The following WDR12 variants were observed in gnomAD, a reference collection of about 807,000 sequenced individuals.
WDR12 encodes the protein WD repeat domain 12.
Under a neutral mutation model 64.3 loss-of-function variants are expected in WDR12, and 42 were observed. The ratio of observed to expected loss-of-function variants is 0.65; its 90% CI spans 0.51 to 0.84. WDR12 has a LOEUF of 0.84. WDR12 is among the 40% of genes least tolerant of loss of function. The pLI, the probability that WDR12 is intolerant of heterozygous loss-of-function variation, is 0.00. For missense variants in WDR12, 469 were observed against 494.6 expected, an observed-to-expected ratio of 0.95 and a Z score of 0.49; for synonymous variants, 158 against 173.3, an observed-to-expected ratio of 0.91 and a Z score of 0.70.
intron 2 of WDR12, among the ~76,000 whole-genome samples, chr2:202,907,280 A>AT (rs777798980): frequency 9.9e-5 from 15 of 152,174 alleles, no homozygotes; most frequent in Admixed American, 2.6e-4. Flanking sequence ...TTTTACATAC[A>AT]TTGTTCATAT....
rs189842339 is a variant in WDR12 at position 202,911,558 on chromosome 2, C to A, written c.-82G>T. Reference sequence around the variant, plus strand: ...ACGAAGCTCCTGCCTTTTAAGACTACAAAGAGGCAGCTCAAAATTAGACTG... The same window carrying A: ...ACGAAGCTCCTGCCTTTTAAGACTAAAAAGAGGCAGCTCAAAATTAGACTG... On this transcript the variant is annotated 5_prime_UTR_variant, in exon 1 of 13. Transcript: ENST00000261015. 251 of 1,330,634 alleles carry A rather than the reference C, an allele frequency of 1.9e-4. 2 individuals carry two copies. The African/African-American group carries it at 3.1e-3, about 17-fold the overall frequency. 82.4% of individuals were successfully genotyped at this position (1,330,634 alleles called of 1,614,324 possible).
At chr2:202,897,243 G>T in intron 5 of WDR12, 57 bp downstream of exon 5, 2 of 1,235,630 alleles carry the variant, frequency 1.6e-6, no homozygotes, top group South Asian at 1.4e-5. Flanking sequence ...CACCAAAAAT[G>T]GCTTATTTCC....
intron 8 of WDR12, among the ~76,000 whole-genome samples, chr2:202,884,956 C>A (rs867506623): frequency 6.6e-6 from 1 of 152,140 alleles, no homozygotes; most frequent in African/African-American, 2.4e-5. Flanking sequence ...CAGTTTCTCC[C>A]CCCCTCTTTT....
chr2:202,887,067 C>A (rs1175063285), intron 8 of WDR12, among the ~76,000 whole-genome samples: 2 of 152,194 alleles, frequency 1.3e-5, no homozygotes, highest in Non-Finnish European at 2.9e-5. Context: ...ACTCATCGCC[C>A]AGGCTAGAGT....
chr2:202,885,062 A>C (rs764860894), intron 8 of WDR12, among the ~76,000 whole-genome samples: 3 of 152,188 alleles, frequency 2.0e-5, no homozygotes, highest in African/African-American at 4.8e-5. Flanking sequence ...TGGGGGCTCT[A>C]TTCCAGCTCT....
At chr2:202,886,596 C>T (rs1230346870) in intron 8 of WDR12, among the ~76,000 whole-genome samples, 1 of 151,918 alleles carries the variant, frequency 6.6e-6, no homozygotes, top group Non-Finnish European at 1.5e-5. Flanking sequence ...GGAGAAGCCC[C>T]GTCTCTACTA....
intron 2 of WDR12, among the ~76,000 whole-genome samples, chr2:202,901,879 C>A (rs1282550885): frequency 6.6e-6 from 1 of 152,078 alleles, no homozygotes; most frequent in Non-Finnish European, 1.5e-5. Context: ...AGAATATTCA[C>A]AGGCAGTATT....
intron 8 of WDR12, among the ~76,000 whole-genome samples, chr2:202,887,488 G>C: frequency 6.6e-6 from 1 of 152,210 alleles, no homozygotes; most frequent in East Asian, 1.9e-4. Context: ...TTTCCTGAAA[G>C]AAGTAAAGGA....
At chr2:202,894,182 G>C (rs1435702454) in intron 7 of WDR12, among the ~76,000 whole-genome samples, 2 of 150,640 alleles carry the variant, frequency 1.3e-5, no homozygotes, top group African/African-American at 4.9e-5. Context: ...TCTTTTTATG[G>C]CAAAATATGG....
At chr2:202,886,510 C>T (rs1164372375) in intron 8 of WDR12, among the ~76,000 whole-genome samples, 5 of 143,558 alleles carry the variant, frequency 3.5e-5, no homozygotes, top group Admixed American at 6.9e-5. Flanking sequence ...GGCTCACACC[C>T]GTAATCCCAG....
At chr2:202,901,607 CA>C (rs909301070) in intron 2 of WDR12, among the ~76,000 whole-genome samples, 1 of 152,162 alleles carries the variant, frequency 6.6e-6, no homozygotes, top group Non-Finnish European at 1.5e-5. Context: ...AGTGAGCTTT[CA>C]AAAATCAGCA....
In WDR12 at chr2:202,880,870, A is replaced by G; in HGVS notation, c.1262T>C (p.Val421Ala). 6.2e-7 allele frequency: 1 copy of G among 1,610,272 alleles called. No homozygotes were observed. The change falls in exon 13 of 13, where the codon GTT becomes GCT. Residue 421 changes from valine to alanine, a missense_variant. Physicochemically the swap from Val to Ala is moderately conservative, Grantham distance 64. Coordinates refer to ENST00000261015, the MANE Select transcript of WDR12 (RefSeq NM_018256.4). Reference sequence around the variant, plus strand: ...AATTATTGTTCACTTTCATGCCCCAACATGGGAAGTGGTAGGTGAATATCT... The same window carrying G: ...AATTATTGTTCACTTTCATGCCCCAGCATGGGAAGTGGTAGGTGAATATCT... ...SYRYSPTTSH[V>A]GA
In WDR12 at chr2:202,880,882, G is replaced by A; in HGVS notation, c.1250C>T (p.Thr417Ile). The change falls in exon 13 of 13, where the codon ACC (threonine) becomes ATC (isoleucine). Residue 417 changes from threonine (T) to isoleucine (I), a missense_variant. Physicochemically the swap from Thr to Ile is moderately conservative, Grantham distance 89. Coordinates refer to ENST00000261015, the MANE Select transcript of WDR12 (RefSeq NM_018256.4). ...CTTTCATGCCCCAACATGGGAAGTG[G>A]TAGGTGAATATCTGTAGGAATACAA... Reference protein sequence around the residue: ...NKLYSYRYSPTTSHVGA With the variant: ...NKLYSYRYSPITSHVGA 6.2e-7 allele frequency: 1 copy of A among 1,610,156 alleles called. No homozygotes were observed. Among genetic ancestry groups the A allele is most frequent in the Non-Finnish European group, 8.5e-7 (1 of 1,178,144 alleles).
Position 202,879,590 on chromosome 2 carries a change from T to G in WDR12, c.*1270A>C, listed in dbSNP as rs1369355723. On this transcript the variant is annotated 3_prime_UTR_variant, in exon 13 of 13. Coordinates refer to ENST00000261015, the MANE Select transcript of WDR12 (RefSeq NM_018256.4). ...AGTGTGCCACCACACCCGGCTAATTTGTTTTGGATTTTTTTTTTTTTAGTA... is the reference window on the plus strand; with the variant it reads ...AGTGTGCCACCACACCCGGCTAATTGGTTTTGGATTTTTTTTTTTTTAGTA... 1 of 151,448 alleles carries G rather than the reference T, an allele frequency of 6.6e-6. No individual in the cohort carries two copies. Among genetic ancestry groups the G allele is most frequent in the Admixed American group, 6.6e-5 (1 of 15,204 alleles). The allele number at this position is 151,448 out of a possible 1,614,324, so 9.4% of individuals were successfully genotyped here. A position where few individuals can be genotyped will look rare whatever the true frequency, so the allele number is the denominator to read the frequency against.
intron 5 of WDR12, 38 bp from the exon 6 acceptor site, chr2:202,896,257 G>A (rs747920879): frequency 6.3e-7 from 1 of 1,595,036 alleles, no homozygotes; most frequent in Non-Finnish European, 8.5e-7. Context: ...AAACAAATCA[G>A]TATACCATTT....
intron 5 of WDR12, among the ~76,000 whole-genome samples, 156 bp from the exon 6 acceptor site, chr2:202,896,375 TA>T (rs1688242648): frequency 6.6e-6 from 1 of 152,210 alleles, no homozygotes; most frequent in African/African-American, 2.4e-5. Flanking sequence ...TGATGTGGTA[TA>T]AAGAAAAGAT....
intron 7 of WDR12, 96 bp from the exon 8 acceptor site, chr2:202,892,798 C>T (rs958347134): frequency 2.1e-5 from 17 of 798,172 alleles, no homozygotes; most frequent in Admixed American, 7.7e-5. Flanking sequence ...AGTTTTTCCA[C>T]GTTATCACAC....
intron 8 of WDR12, among the ~76,000 whole-genome samples, chr2:202,890,996 T>A (rs1193915719): frequency 2.3e-4 from 26 of 111,140 alleles, no homozygotes; most frequent in East Asian, 5.3e-4. Context: ...TTTGTCTCTT[T>A]AAAAAAAAAA....
intron 8 of WDR12, among the ~76,000 whole-genome samples, chr2:202,887,984 C>A (rs887473800): frequency 6.6e-6 from 1 of 151,548 alleles, no homozygotes; most frequent in Non-Finnish European, 1.5e-5. Context: ...AGGCATTTAT[C>A]CAAGATAAAT....
Sources: allele counts gnomAD v4.1 joint callset (sites outside exome capture counted in the v4.1 genomes callset), GRCh38; gene constraint gnomAD v4.1.1; transcripts MANE v1.5; gene names NCBI Gene and HGNC (gene_info 2026-07-23, HGNC 2026-07-21).